Variants in MFSD11 observed in about 807,000 individuals in gnomAD.
The protein encoded by MFSD11 is major facilitator superfamily domain containing 11.
In MFSD11, 36 loss-of-function variants were observed where a neutral mutation model predicts 53.5. The ratio of observed to expected loss-of-function variants is 0.67; its 90% CI spans 0.52 to 0.89. MFSD11 has a LOEUF of 0.89. Among genes scored for constraint, MFSD11 ranks in the 40% least tolerant of loss-of-function variants. The pLI, the probability that MFSD11 is intolerant of heterozygous loss-of-function variation, is 0.00. For synonymous variants in MFSD11, 186 were observed against 184.9 expected (o/e 1.01, Z -0.05); for missense variants, 530 against 543.9 (o/e 0.97, Z 0.25).
At chr17:76,754,121 G>T (rs1383566758) in intron 8 of MFSD11, 34 bp downstream of exon 8, 2 of 1,482,916 alleles carry the variant, frequency 1.3e-6, no homozygotes, top group Admixed American at 2.1e-5. Flanking sequence ...TGCAAGAACT[G>T]TTCAGGAACA....
the MFSD11 span, among the ~76,000 whole-genome samples, chr17:76,791,702 C>T: frequency 6.7e-6 from 1 of 148,892 alleles, no homozygotes; most frequent in African/African-American, 2.5e-5. Flanking sequence ...TGTTTGGCAG[C>T]CAGAGCTTGC....
the MFSD11 span, among the ~76,000 whole-genome samples, chr17:76,802,576 G>A: frequency 6.6e-6 from 1 of 152,164 alleles, no homozygotes; most frequent in Non-Finnish European, 1.5e-5. Flanking sequence ...TGTATAAAAT[G>A]TGGTTTATCC....
the MFSD11 span, among the ~76,000 whole-genome samples, chr17:76,793,863 G>A: frequency 6.6e-6 from 1 of 151,348 alleles, no homozygotes; most frequent in African/African-American, 2.5e-5. Context: ...GAGGCAGGAG[G>A]GTCAGGGTCA....
At chr17:76,753,191 C>T (rs9916811) in intron 7 of MFSD11, among the ~76,000 whole-genome samples, 52,030 of 152,062 alleles carry the variant, frequency 0.34, 11,832 homozygotes, top group Non-Finnish European at 0.51. Flanking sequence ...GATACCCAAA[C>T]AGTCATAGCA....
chr17:76,767,711 A>G (rs1326419149), intron 9 of MFSD11, among the ~76,000 whole-genome samples: 2 of 152,088 alleles, frequency 1.3e-5, no homozygotes, highest in African/African-American at 4.8e-5. Flanking sequence ...CCATAAGATC[A>G]CCTTGTGATC....
At chr17:76,769,583 T>C in intron 9 of MFSD11, 163 bp from the exon 10 acceptor site, 1 of 511,486 alleles carries the variant, frequency 2.0e-6, no homozygotes, top group Non-Finnish European at 3.4e-6. Context: ...TTCCATTTCA[T>C]CAGTTACATC....
chr17:76,744,020 G>A (rs1240382790), intron 6 of MFSD11, among the ~76,000 whole-genome samples: 1 of 152,172 alleles, frequency 6.6e-6, no homozygotes, highest in African/African-American at 2.4e-5. Flanking sequence ...AGAATACTGC[G>A]CACGAGTATG....
chr17:76,770,838 T>C (rs1317101214), intron 10 of MFSD11, among the ~76,000 whole-genome samples: 6 of 152,146 alleles, frequency 3.9e-5, no homozygotes, highest in African/African-American at 1.4e-4. Flanking sequence ...TCTCCATGGA[T>C]TTTGGGCTCA....
the MFSD11 span, chr17:76,799,004 G>A: frequency 7.6e-6 from 1 of 130,816 alleles, no homozygotes; most frequent in South Asian, 2.4e-4. Flanking sequence ...TCCAGCCTAG[G>A]CAACAAGAGT....
In MFSD11 at chr17:76,744,430, A is replaced by G; in HGVS notation, c.605A>G (p.Asp202Gly). 5 of 1,614,016 alleles carry G rather than the reference A, an allele frequency of 3.1e-6. No individual in the cohort carries two copies. The highest frequency in any genetic ancestry group is 4.2e-6 in the Non-Finnish European group (5 of 1,179,940). ...GATTCTGAAAATGTCCTAGGAGAAG[A>G]TGAGTCTTCTGATGACCAGGACATG... ...KPDSENVLGE[D>G]ESSDDQDMEV... is the part of the protein sequence containing the mutation. Residue 202 changes from aspartate (D) to glycine (G), a missense_variant, in exon 7 of 13, where the codon GAT becomes GGT. Coordinates refer to ENST00000685175, the MANE Select transcript of MFSD11 (RefSeq NM_001242532.5).
At chr17:76,781,008 C>A (rs2082151610), downstream of MFSD11, 1 of 152,136 alleles carries the variant, frequency 6.6e-6, no homozygotes, top group South Asian at 2.1e-4. Flanking sequence ...AAAACGTAGC[C>A]ACTTAAAATA....
At chr17:76,747,872 A>G (rs945433971) in intron 7 of MFSD11, 3 of 152,170 alleles carry the variant, frequency 2.0e-5, no homozygotes, top group Non-Finnish European at 4.4e-5. Context: ...CCTTTGTAGC[A>G]TTCTCTCTTC....
intron 7 of MFSD11, among the ~76,000 whole-genome samples, chr17:76,752,216 T>C (rs1282525373): frequency 4.6e-5 from 7 of 152,120 alleles, no homozygotes; most frequent in Non-Finnish European, 8.8e-5. Flanking sequence ...TATAACCCAC[T>C]TCCGTTTCCC....
chr17:76,778,375 G>C lies in MFSD11; in HGVS notation c.*23G>C, dbSNP rs376771983. 1.2e-5 allele frequency: 20 copies of C among 1,611,612 alleles called. No individual in the cohort carries two copies. The highest frequency in any genetic ancestry group is 1.7e-5 in the Non-Finnish European group (20 of 1,177,940). ...TGATCTGGTGTCCGTGAGGGGACACGTATGACCTCAGAAACACAGCTGGAC... is the reference window on the plus strand; with the variant it reads ...TGATCTGGTGTCCGTGAGGGGACACCTATGACCTCAGAAACACAGCTGGAC... On this transcript the variant is annotated 3_prime_UTR_variant, in exon 13 of 13. Coordinates refer to ENST00000685175, the MANE Select transcript of MFSD11 (RefSeq NM_001242532.5).
intron 2 of MFSD11, among the ~76,000 whole-genome samples, chr17:76,739,722 G>A (rs953594436): frequency 6.6e-6 from 1 of 151,686 alleles, no homozygotes; most frequent in Admixed American, 6.6e-5. Flanking sequence ...GCACTCCCCC[G>A]CCCCCCACAA....
At chr17:76,780,256 G>T (rs1054404576), downstream of MFSD11, among the ~76,000 whole-genome samples, 1 of 152,048 alleles carries the variant, frequency 6.6e-6, no homozygotes, top group Non-Finnish European at 1.5e-5. Flanking sequence ...TGGCAACCAC[G>T]AATCTACTTT....
At chr17:76,752,199 C>T (rs776612206) in intron 7 of MFSD11, among the ~76,000 whole-genome samples, 2 of 152,146 alleles carry the variant, frequency 1.3e-5, no homozygotes, top group Non-Finnish European at 2.9e-5. Flanking sequence ...CTCTGTGTAT[C>T]ACCTTATATA....
the MFSD11 span, among the ~76,000 whole-genome samples, chr17:76,793,396 A>G: frequency 3.3e-5 from 5 of 151,500 alleles, no homozygotes; most frequent in Non-Finnish European, 7.3e-5. Flanking sequence ...TTGAAAAAAG[A>G]GAAATATGGC....
At chr17:76,758,140 T>C (rs1048473489) in intron 8 of MFSD11, among the ~76,000 whole-genome samples, 3 of 152,138 alleles carry the variant, frequency 2.0e-5, no homozygotes, top group Admixed American at 6.5e-5. Flanking sequence ...ATCAAGCCCA[T>C]GCTCATAGAG....
Sources: gnomAD v4.1 joint callset for allele counts (sites outside exome capture counted in the v4.1 genomes callset) on GRCh38, gnomAD v4.1.1 for gene constraint, MANE v1.5 for transcripts, NCBI Gene and HGNC (gene_info 2026-07-23, HGNC 2026-07-21) for gene names.